Variants in CAMK2D observed in about 807,000 individuals in gnomAD.
CAMK2D encodes calcium/calmodulin-dependent protein kinase type II subunit delta.
In CAMK2D, 37 loss-of-function variants were observed where a neutral mutation model predicts 84.0. The observed-to-expected ratio is 0.44, with a 90% confidence interval of 0.34 to 0.58. The LOEUF is 0.58. CAMK2D is among the 20% of genes least tolerant of loss of function. The pLI is 0.02. For missense variants in CAMK2D, 448 were observed against 652.5 expected (o/e 0.69, Z 3.41); for synonymous variants, 202 against 212.5 (o/e 0.95, Z 0.43).
At chr4:113,512,151 G>A (rs1424169017) in intron 12 of CAMK2D, among the ~76,000 whole-genome samples, 1 of 152,168 alleles carries the variant, frequency 6.6e-6, no homozygotes, top group Non-Finnish European at 1.5e-5. Flanking sequence ...AAGGGCCAAA[G>A]GTTACCAAGT....
At chr4:113,681,559 T>A (rs2099345990) in intron 2 of CAMK2D, among the ~76,000 whole-genome samples, 1 of 152,180 alleles carries the variant, frequency 6.6e-6, no homozygotes, top group African/African-American at 2.4e-5. Context: ...TGGACTAATA[T>A]ACTGTATATT....
At chr4:113,706,345 A>G (rs2099455333) in intron 2 of CAMK2D, among the ~76,000 whole-genome samples, 1 of 152,228 alleles carries the variant, frequency 6.6e-6, no homozygotes, top group Non-Finnish European at 1.5e-5. Context: ...TGGTAGGTGC[A>G]CTAACAGAAA....
chr4:113,682,177 C>A (rs949014347), intron 2 of CAMK2D, among the ~76,000 whole-genome samples: 4 of 152,100 alleles, frequency 2.6e-5, no homozygotes. Flanking sequence ...AGAATAGGAG[C>A]TAAATGTTTT....
chr4:113,712,994 T>C (rs1199043750), intron 2 of CAMK2D, among the ~76,000 whole-genome samples: 1 of 152,118 alleles, frequency 6.6e-6, no homozygotes, highest in Non-Finnish European at 1.5e-5. Context: ...TAAGTGTGCC[T>C]CTGAAACTTT....
intron 12 of CAMK2D, among the ~76,000 whole-genome samples, chr4:113,511,505 T>TC (rs2098214452): frequency 6.6e-6 from 1 of 152,160 alleles, no homozygotes; most frequent in Admixed American, 6.5e-5. Flanking sequence ...AATGTACAGT[T>TC]TTAAATGTGA....
At chr4:113,465,239 C>T (rs1479259269) in intron 17 of CAMK2D, among the ~76,000 whole-genome samples, 1 of 152,064 alleles carries the variant, frequency 6.6e-6, no homozygotes, top group East Asian at 1.9e-4. Context: ...TGTTTTGTCA[C>T]CCAGGTTGGT....
intron 8 of CAMK2D, among the ~76,000 whole-genome samples, chr4:113,519,629 A>G (rs2098331465): frequency 6.6e-6 from 1 of 152,198 alleles, no homozygotes; most frequent in Non-Finnish European, 1.5e-5. Context: ...TTATTAAACA[A>G]GCATCTAAAA....
At chr4:113,580,381 A>G (rs992311962) in intron 4 of CAMK2D, among the ~76,000 whole-genome samples, 1 of 152,230 alleles carries the variant, frequency 6.6e-6, no homozygotes, top group African/African-American at 2.4e-5. Context: ...CAATATATCA[A>G]CCTTTTAAAT....
chr4:113,535,208 G>T (rs2098481481), intron 7 of CAMK2D, among the ~76,000 whole-genome samples: 1 of 151,954 alleles, frequency 6.6e-6, no homozygotes, highest in South Asian at 2.1e-4. Context: ...TCATGAAGTG[G>T]GGTCCTGCTT....
At chr4:113,477,953 A>G (rs2154125200) in intron 16 of CAMK2D, among the ~76,000 whole-genome samples, 1 of 152,354 alleles carries the variant, frequency 6.6e-6, no homozygotes, top group South Asian at 2.1e-4. Flanking sequence ...TTTAATGTAT[A>G]GTAGATACAT....
intron 2 of CAMK2D, among the ~76,000 whole-genome samples, chr4:113,717,570 G>A (rs1593490995): frequency 6.6e-6 from 1 of 151,990 alleles, no homozygotes; most frequent in South Asian, 2.1e-4. Context: ...ATCTCCAAAA[G>A]TGAGTGTTAA....
At chr4:113,574,114 T>A (rs1026496698) in intron 4 of CAMK2D, among the ~76,000 whole-genome samples, 1 of 152,178 alleles carries the variant, frequency 6.6e-6, no homozygotes, top group African/African-American at 2.4e-5. Flanking sequence ...CCACTTTCAG[T>A]TCCGTACTGT....
At chr4:113,503,225 A>G (rs1590273283) in intron 14 of CAMK2D, 1 of 699,592 alleles carries the variant, frequency 1.4e-6, no homozygotes, top group East Asian at 2.8e-5. Context: ...ATCAGCATTC[A>G]AACAAGGCTT....
chr4:113,652,982 G>A (rs1160557875), intron 3 of CAMK2D, among the ~76,000 whole-genome samples: 2 of 151,902 alleles, frequency 1.3e-5, no homozygotes, highest in Non-Finnish European at 2.9e-5. Context: ...TATTGACAAA[G>A]AAACCAGTAA....
At position 113,759,389 on chromosome 4, in the gene CAMK2D, A is replaced by C; in HGVS notation, c.91T>G (p.Cys31Gly). ...TCTTGTCCAGTAGGAATTTTCATAC[A>C]TCTTCTCACCACTGAGAATGCCCCC... The part of the protein sequence containing the change: ...GKGAFSVVRR[C>G]MKIPTGQEYA... The change falls in exon 2 of 21, where the codon TGT becomes GGT. Residue 31 changes from cysteine (C) to glycine (G), a missense_variant. Cys to Gly is a radical substitution (Grantham distance 159). Around this residue, in one of 7 missense-constraint regions of CAMK2D, gnomAD observed 44 missense variants for 45.6 expected, o/e 0.96. Transcript: ENST00000511664. 6.2e-7 allele frequency: 1 copy of C among 1,608,136 alleles called. No homozygotes were observed.
chr4:113,635,956 T>G (rs1407692893), intron 3 of CAMK2D, among the ~76,000 whole-genome samples: 2 of 152,244 alleles, frequency 1.3e-5, no homozygotes, highest in East Asian at 3.8e-4. Context: ...CAAGTCATAC[T>G]GGTTATCAAA....
intron 4 of CAMK2D, 59 bp from the exon 5 acceptor site, chr4:113,552,155 T>C (rs2098633683): frequency 4.2e-6 from 4 of 944,140 alleles, no homozygotes; most frequent in Non-Finnish European, 6.7e-6. Flanking sequence ...TAAGCATCAA[T>C]AGATTTGCAA....
intron 2 of CAMK2D, among the ~76,000 whole-genome samples, chr4:113,757,193 C>T (rs1469834989): frequency 1.3e-5 from 2 of 152,138 alleles, no homozygotes; most frequent in East Asian, 3.9e-4. Context: ...ATCAAGGCTG[C>T]CACTGGATTT....
chr4:113,476,285 A>G lies in CAMK2D; in HGVS notation c.1136-10681T>C, dbSNP rs187180312. 3.5e-3 allele frequency among the ~76,000 whole-genome samples: 538 copies of G among 152,294 alleles called. 4 individuals are homozygous for G. The highest frequency in any genetic ancestry group is 0.012 in the African/African-American group (516 of 41,544). ...GTGTAAATTTACAATGGTCTGTCAC[A>G]ACTTGCAAGACTTATTTAGGTTTGG... On this transcript the variant is annotated intron_variant, in intron 16 of 20. Coordinates refer to ENST00000511664, the MANE Select transcript of CAMK2D (RefSeq NM_001321571.2).
Sources: gnomAD v4.1 joint callset for allele counts (sites outside exome capture counted in the v4.1 genomes callset) on GRCh38, gnomAD v4.1.1 for gene constraint, gnomAD v4.1.1 regional missense constraint, MANE v1.5 for transcripts, NCBI Gene and HGNC (gene_info 2026-07-23, HGNC 2026-07-21) for gene names.